The following STT3B variants were observed in gnomAD, a reference collection of about 807,000 sequenced individuals.
STT3B encodes dolichyl-diphosphooligosaccharide--protein glycosyltransferase subunit STT3B.
In STT3B, 29 loss-of-function variants were observed where a neutral mutation model predicts 96.8. That is an observed-to-expected ratio of 0.30 (90% CI 0.22 to 0.41). The LOEUF (loss-of-function observed/expected upper bound fraction) is 0.41, where lower values mean the gene tolerates loss of function less well. Among genes scored for constraint, STT3B ranks in the 10% least tolerant of loss-of-function variants. The pLI is 1.00. For synonymous variants in STT3B, 367 were observed against 360.0 expected, an observed-to-expected ratio of 1.02 and a Z score of -0.22; for missense variants, 640 against 1,022.3, an observed-to-expected ratio of 0.63 and a Z score of 5.10.
In STT3B at chr3:31,532,974, G is replaced by A. The variant is rs1015599298; in HGVS notation, c.-25G>A. 1.9e-6 allele frequency: 3 copies of A among 1,577,528 alleles called. No individual in the cohort carries two copies. Among genetic ancestry groups the A allele is most frequent in the Non-Finnish European group, 2.6e-6 (3 of 1,164,004 alleles). On this transcript the variant is annotated 5_prime_UTR_variant, in exon 1 of 16. Coordinates refer to ENST00000295770, the MANE Select transcript of STT3B (RefSeq NM_178862.3). ...CAGGCGGCGGCGGCGGAGGAGGAGA[G>A]CTAGACCCGCCGCCGGGGCACAACA...
chr3:31,585,573 T>C (rs967449637), intron 3 of STT3B, among the ~76,000 whole-genome samples: 1 of 147,816 alleles, frequency 6.8e-6, no homozygotes, highest in Non-Finnish European at 1.5e-5. Flanking sequence ...TTTGTTTTGT[T>C]TTTTGTTTTG....
intron 5 of STT3B, among the ~76,000 whole-genome samples, chr3:31,605,474 T>A (rs1490760166): frequency 6.7e-6 from 1 of 149,688 alleles, no homozygotes; most frequent in East Asian, 2.0e-4. Context: ...ATCATGGGGG[T>A]GGTTTATCTC....
chr3:31,540,683 A>C (rs1174807438), intron 1 of STT3B, among the ~76,000 whole-genome samples: 2 of 152,192 alleles, frequency 1.3e-5, no homozygotes, highest in Non-Finnish European at 2.9e-5. Flanking sequence ...GTAGCGTATA[A>C]GATATACATA....
At position 31,622,104 on chromosome 3, in the gene STT3B, A is replaced by G. The variant is rs775157879; in HGVS notation, c.1335A>G (p.Leu445=). Residue 445 remains leucine, a synonymous_variant, in exon 10 of 16, where the codon CTA becomes CTG. Coordinates refer to ENST00000295770, the MANE Select transcript of STT3B (RefSeq NM_178862.3). The part of the protein sequence containing the change: ...NINDERVFVA[L]YAISAVYFAG... ...GAGAATTTGTCTTTGCAGTTGCTCT[A>G]TATGCAATCAGTGCTGTCTACTTTG... 42 of 1,613,402 alleles carry G rather than the reference A, an allele frequency of 2.6e-5. No individual in the cohort carries two copies. Among genetic ancestry groups the G allele is most frequent in the Admixed American group, 6.7e-5 (4 of 59,996 alleles).
At chr3:31,540,118 C>A (rs1009762404) in intron 1 of STT3B, among the ~76,000 whole-genome samples, 1 of 152,032 alleles carries the variant, frequency 6.6e-6, no homozygotes, top group Non-Finnish European at 1.5e-5. Context: ...ATTGTTACTT[C>A]AGAAGATGAG....
intron 15 of STT3B, among the ~76,000 whole-genome samples, chr3:31,635,041 G>A (rs905562693): frequency 6.6e-6 from 1 of 152,086 alleles, no homozygotes; most frequent in African/African-American, 2.4e-5. Context: ...ATCTTGAATT[G>A]AACATCATGG....
chr3:31,608,065 T>TA (rs1437490426), intron 5 of STT3B, among the ~76,000 whole-genome samples: 1 of 152,186 alleles, frequency 6.6e-6, no homozygotes, highest in Non-Finnish European at 1.5e-5. Context: ...TTGTGGCAGA[T>TA]AAAGTTTTAT....
intron 3 of STT3B, among the ~76,000 whole-genome samples, chr3:31,595,114 A>G (rs1426946295): frequency 1.3e-5 from 2 of 152,182 alleles, no homozygotes; most frequent in African/African-American, 4.8e-5. Flanking sequence ...CTATCTGTTC[A>G]GATTCTTCTT....
chr3:31,606,859 GCC>G (rs1341809569), intron 5 of STT3B, among the ~76,000 whole-genome samples: 1 of 152,180 alleles, frequency 6.6e-6, no homozygotes, highest in Admixed American at 6.5e-5. Context: ...CTCAATGCTA[GCC>G]CATGAAAGCA....
rs375577149 is a variant in STT3B, at chr3:31,625,950, G to T, written c.1900-4G>T. ...ACATTCTCATTTTTTTTTAAATTCTGCAGGTGGGAAAAGCTATGTCTTCTA... is the reference window on the plus strand; with the variant it reads ...ACATTCTCATTTTTTTTTAAATTCTTCAGGTGGGAAAAGCTATGTCTTCTA... On this transcript the variant is annotated splice_polypyrimidine_tract_variant and splice_region_variant and intron_variant, in intron 12 of 15. Transcript: ENST00000295770. The T allele has an allele frequency of 1.3e-6, 2 of 1,568,702 alleles. No individual in the cohort carries two copies. The highest frequency in any genetic ancestry group is 2.0e-5 in the Admixed American group (1 of 50,712).
chr3:31,538,614 A>G (rs1697157505), intron 1 of STT3B, among the ~76,000 whole-genome samples: 1 of 152,136 alleles, frequency 6.6e-6, no homozygotes, highest in Non-Finnish European at 1.5e-5. Context: ...TCCAGAGGTA[A>G]TGGTTTAGCT....
At chr3:31,579,130 C>T (rs544687275) in intron 2 of STT3B, among the ~76,000 whole-genome samples, 2 of 152,120 alleles carry the variant, frequency 1.3e-5, no homozygotes, top group African/African-American at 4.8e-5. Flanking sequence ...GTACGTATAA[C>T]TGTTAACTGG....
At chr3:31,587,893 A>C (rs1463044346) in intron 3 of STT3B, among the ~76,000 whole-genome samples, 1 of 152,078 alleles carries the variant, frequency 6.6e-6, no homozygotes, top group Non-Finnish European at 1.5e-5. Context: ...TCCTACTCCA[A>C]ATCTTTTTCA....
intron 3 of STT3B, among the ~76,000 whole-genome samples, chr3:31,581,239 G>A (rs1698376701): frequency 6.6e-6 from 1 of 151,970 alleles, no homozygotes; most frequent in South Asian, 2.1e-4. Flanking sequence ...CTGAGGGTGG[G>A]TGGGTGATAC....
intron 1 of STT3B, among the ~76,000 whole-genome samples, chr3:31,572,871 T>C (rs886989852): frequency 6.6e-6 from 1 of 152,142 alleles, no homozygotes; most frequent in East Asian, 1.9e-4. Flanking sequence ...GTCCTTTGAG[T>C]TTGTGAAGTA....
At chr3:31,597,004 C>T in intron 4 of STT3B, 141 bp downstream of exon 4, 1 of 649,350 alleles carries the variant, frequency 1.5e-6, no homozygotes, top group Non-Finnish European at 2.6e-6. Context: ...TTCTCCTACT[C>T]ACAGGTCCTG....
chr3:31,558,127 TGGGAC>T (rs1315834445), intron 1 of STT3B, among the ~76,000 whole-genome samples: 16 of 152,338 alleles, frequency 1.1e-4, no homozygotes, highest in African/African-American at 3.6e-4. Flanking sequence ...ATATGCAAAG[TGGGAC>T]AGTTTAGCTT....
intron 2 of STT3B, among the ~76,000 whole-genome samples, 193 bp from the exon 3 acceptor site, chr3:31,579,616 T>C (rs911522469): frequency 5.3e-5 from 8 of 151,774 alleles, no homozygotes; most frequent in Admixed American, 5.3e-4. Context: ...CCTCCAGATA[T>C]GAGCTAGTTC....
At chr3:31,615,330 A>G (rs1699282895) in intron 6 of STT3B, 127 bp downstream of exon 6, 5 of 649,940 alleles carry the variant, frequency 7.7e-6, no homozygotes, top group South Asian at 2.0e-5. Context: ...CTGACTCACA[A>G]TTATGGGAAA....
Sources: allele counts gnomAD v4.1 joint callset (sites outside exome capture counted in the v4.1 genomes callset), GRCh38; gene constraint gnomAD v4.1.1; transcripts MANE v1.5; gene names NCBI Gene and HGNC (gene_info 2026-07-23, HGNC 2026-07-21).